The following ST8SIA5 variants were observed in gnomAD, a reference collection of about 807,000 sequenced individuals.
The protein encoded by ST8SIA5 is ST8 alpha-N-acetyl-neuraminide alpha-2,8-sialyltransferase 5.
Under a neutral mutation model 40.2 loss-of-function variants are expected in ST8SIA5, and 24 were observed. The observed-to-expected ratio is 0.60, with a 90% CI of 0.43 to 0.84. The LOEUF is 0.84. Among genes scored for constraint, ST8SIA5 ranks in the 40% least tolerant of loss-of-function variants. ST8SIA5 has a pLI of 0.00. For synonymous variants in ST8SIA5, 198 were observed against 201.8 expected (o/e 0.98, Z 0.16); for missense variants, 465 against 498.5 (o/e 0.93, Z 0.64).
chr18:46,708,454 G>T (rs142549031), intron 1 of ST8SIA5, among the ~76,000 whole-genome samples: 204 of 152,266 alleles, frequency 1.3e-3, no homozygotes, highest in African/African-American at 4.7e-3. Flanking sequence ...GCTGACCCTG[G>T]AGGGACTGCC....
At chr18:46,738,761 G>A (rs996409286) in intron 1 of ST8SIA5, among the ~76,000 whole-genome samples, 7 of 152,102 alleles carry the variant, frequency 4.6e-5, no homozygotes, top group South Asian at 2.1e-4. Flanking sequence ...CGGGGCAGTC[G>A]AACAGAAGGC....
intron 1 of ST8SIA5, among the ~76,000 whole-genome samples, chr18:46,753,310 T>A (rs1057096883): frequency 2.0e-5 from 3 of 152,176 alleles, no homozygotes; most frequent in African/African-American, 7.2e-5. Flanking sequence ...CAGTGGCTCA[T>A]GCCTGTAATC....
At chr18:46,752,558 C>T (rs2040205068) in intron 1 of ST8SIA5, among the ~76,000 whole-genome samples, 1 of 152,186 alleles carries the variant, frequency 6.6e-6, no homozygotes, top group Non-Finnish European at 1.5e-5. Context: ...CCACCTTCTC[C>T]CCTCCTGACC....
chr18:46,753,489 C>T (rs534406759), intron 1 of ST8SIA5, among the ~76,000 whole-genome samples: 1 of 151,822 alleles, frequency 6.6e-6, no homozygotes, highest in Non-Finnish European at 1.5e-5. Flanking sequence ...AGGAGAATGG[C>T]CTGAACCCGG....
chr18:46,705,395 A>G (rs2039660374), intron 1 of ST8SIA5, among the ~76,000 whole-genome samples: 1 of 152,282 alleles, frequency 6.6e-6, no homozygotes, highest in South Asian at 2.1e-4. Context: ...CCATAGGCTA[A>G]GCACCAGGCC....
intron 2 of ST8SIA5, among the ~76,000 whole-genome samples, chr18:46,700,004 G>A (rs529165793): frequency 2.0e-5 from 3 of 152,202 alleles, no homozygotes; most frequent in Non-Finnish European, 4.4e-5. Flanking sequence ...GACAGGAGAC[G>A]CTGGCCTGGG....
chr18:46,738,793 G>A (rs180885088), intron 1 of ST8SIA5, among the ~76,000 whole-genome samples: 1 of 152,284 alleles, frequency 6.6e-6, no homozygotes, highest in Admixed American at 6.5e-5. Flanking sequence ...GGTCGGGGGA[G>A]AGTTGGCTCA....
At chr18:46,716,595 T>C (rs1378420732) in intron 1 of ST8SIA5, among the ~76,000 whole-genome samples, 2 of 152,012 alleles carry the variant, frequency 1.3e-5, no homozygotes, top group South Asian at 4.2e-4. Flanking sequence ...GTGTGGAGTA[T>C]GGAAAGGGGG....
At chr18:46,752,759 C>G (rs2040206603) in intron 1 of ST8SIA5, among the ~76,000 whole-genome samples, 2 of 152,210 alleles carry the variant, frequency 1.3e-5, no homozygotes, top group South Asian at 4.1e-4. Context: ...TTTGCTGTGT[C>G]CCTGAAATCT....
In ST8SIA5 at chr18:46,672,706, T is replaced by C. The variant is rs537395864; in HGVS notation, c.*7336A>G. On this transcript the variant is annotated 3_prime_UTR_variant, in exon 7 of 7. Coordinates refer to ENST00000315087, the MANE Select transcript of ST8SIA5 (RefSeq NM_013305.6). ...CTAAAAGATCAGCAAGGCTATTGTC[T>C]CTCAGGACATGCTGGCCAGGACAGT... 16 of 152,138 alleles carry C rather than the reference T, an allele frequency of 1.1e-4. No individual in the cohort carries two copies. The highest frequency in any genetic ancestry group is 3.6e-4 in the African/African-American group (15 of 41,486). 9.4% of individuals were successfully genotyped at this position (152,138 alleles called of 1,614,324 possible). A position where few individuals can be genotyped will look rare whatever the true frequency, so the allele number is the denominator to read the frequency against.
At chr18:46,693,045 A>C (rs1421637589) in intron 2 of ST8SIA5, among the ~76,000 whole-genome samples, 1 of 150,820 alleles carries the variant, frequency 6.6e-6, no homozygotes, top group Non-Finnish European at 1.5e-5. Flanking sequence ...CTTTCCCCTC[A>C]CTGCTGCCTC....
intron 1 of ST8SIA5, among the ~76,000 whole-genome samples, chr18:46,746,890 G>T (rs1487641522): frequency 6.6e-6 from 1 of 152,042 alleles, no homozygotes; most frequent in African/African-American, 2.4e-5. Flanking sequence ...CAATGTAACA[G>T]AACAGAGGCC....
At position 46,692,165 on chromosome 18, in the gene ST8SIA5, A is replaced by G; in HGVS notation, c.311+4T>C. The stretch of plus-strand genomic sequence containing the variant: ...AGAAGGGAGGACAGACGAATCATAG[A>G]TACTTGAACTGGTTGGCCTCAGAGA... On this transcript the variant is annotated splice_donor_region_variant and intron_variant, in intron 3 of 6. Coordinates refer to ENST00000315087, the MANE Select transcript of ST8SIA5 (RefSeq NM_013305.6). The G allele has an allele frequency of 6.2e-7, 1 of 1,614,020 alleles. No individual in the cohort carries two copies. Among genetic ancestry groups the G allele is most frequent in the Non-Finnish European group, 8.5e-7 (1 of 1,179,938 alleles).
chr18:46,719,925 G>C (rs1419213750), intron 1 of ST8SIA5, among the ~76,000 whole-genome samples: 1 of 150,902 alleles, frequency 6.6e-6, no homozygotes. Flanking sequence ...TGCAGCCTCT[G>C]CCTCCCAGGT....
At chr18:46,753,441 A>C (rs1373312705) in intron 1 of ST8SIA5, among the ~76,000 whole-genome samples, 2 of 152,072 alleles carry the variant, frequency 1.3e-5, no homozygotes, top group Non-Finnish European at 2.9e-5. Flanking sequence ...GTGTGGTGGC[A>C]GGCCACTGTA....
At chr18:46,711,853 C>T (rs965196349) in intron 1 of ST8SIA5, among the ~76,000 whole-genome samples, 1 of 152,234 alleles carries the variant, frequency 6.6e-6, no homozygotes, top group African/African-American at 2.4e-5. Context: ...TTCACCTGCC[C>T]TCTTTGGGCC....
chr18:46,705,533 T>C (rs555912528), intron 1 of ST8SIA5, among the ~76,000 whole-genome samples: 2 of 152,304 alleles, frequency 1.3e-5, no homozygotes, highest in South Asian at 4.1e-4. Flanking sequence ...AGCTGGAAGG[T>C]GGCAGAGCCA....
intron 6 of ST8SIA5, among the ~76,000 whole-genome samples, chr18:46,681,198 G>C (rs973954807): frequency 1.3e-5 from 2 of 151,340 alleles, no homozygotes; most frequent in Non-Finnish European, 2.9e-5. Context: ...ATTTGGTCTC[G>C]AACTCCTGGC....
intron 1 of ST8SIA5, among the ~76,000 whole-genome samples, chr18:46,707,289 T>C (rs1409251734): frequency 6.6e-6 from 1 of 152,130 alleles, no homozygotes; most frequent in East Asian, 1.9e-4. Context: ...TATCCTAGAG[T>C]TATTGGGGAA....
Sources: gnomAD v4.1 joint callset for allele counts (sites outside exome capture counted in the v4.1 genomes callset) on GRCh38, gnomAD v4.1.1 for gene constraint, MANE v1.5 for transcripts, NCBI Gene and HGNC (gene_info 2026-07-23, HGNC 2026-07-21) for gene names.